The following INVS variants were observed in gnomAD, a reference collection of about 807,000 sequenced individuals.
INVS encodes inversion of embryo turning homolog.
Under a neutral mutation model 108.8 loss-of-function variants are expected in INVS, and 86 were observed. The ratio of observed to expected loss-of-function variants is 0.79; its 90% CI spans 0.66 to 0.95. The LOEUF (loss-of-function observed/expected upper bound fraction) is 0.95. Among genes scored for constraint, INVS ranks in the 40% least tolerant of loss-of-function variants. INVS has a pLI of 0.00. For synonymous variants in INVS, 455 were observed against 473.5 expected (o/e 0.96, Z 0.51); for missense variants, 1,169 against 1,297.4 (o/e 0.90, Z 1.52).
At chr9:100,253,553 A>G (rs1391995673) in intron 10 of INVS, among the ~76,000 whole-genome samples, 3 of 151,926 alleles carry the variant, frequency 2.0e-5, no homozygotes, top group Non-Finnish European at 2.9e-5. Context: ...TCCTAATGCT[A>G]TCCCTCCCTG....
At chr9:100,237,333 C>G (rs1204418114) in intron 5 of INVS, among the ~76,000 whole-genome samples, 1 of 152,236 alleles carries the variant, frequency 6.6e-6, no homozygotes, top group East Asian at 1.9e-4. Context: ...CCACTTGGCT[C>G]CCTGGCTTCA....
chr9:100,115,281 TTTTTA>T (rs1827475069), intron 2 of INVS, among the ~76,000 whole-genome samples: 2 of 148,802 alleles, frequency 1.3e-5, no homozygotes, highest in African/African-American at 5.1e-5. Context: ...AATTTCTCTT[TTTTTA>T]TTTTATTTTT....
At chr9:100,149,529 C>A (rs1010795556) in intron 3 of INVS, among the ~76,000 whole-genome samples, 6 of 152,124 alleles carry the variant, frequency 3.9e-5, no homozygotes, top group Non-Finnish European at 8.8e-5. Context: ...TGTGTTCTTC[C>A]ATATGTAGAA....
At chr9:100,244,820 G>T (rs995551124) in intron 7 of INVS, among the ~76,000 whole-genome samples, 4 of 152,098 alleles carry the variant, frequency 2.6e-5, no homozygotes, top group African/African-American at 9.7e-5. Context: ...TTGCAAATTA[G>T]TAAAAGAAAA....
intron 3 of INVS, among the ~76,000 whole-genome samples, chr9:100,188,796 G>A (rs757127167): frequency 3.3e-5 from 5 of 152,000 alleles, no homozygotes; most frequent in Non-Finnish European, 5.9e-5. Flanking sequence ...GGTAGAATTT[G>A]GCTGTGAATC....
intron 12 of INVS, among the ~76,000 whole-genome samples, chr9:100,281,010 G>A (rs572990172): frequency 1.3e-5 from 2 of 152,280 alleles, no homozygotes; most frequent in African/African-American, 2.4e-5. Context: ...AGGTGACAGA[G>A]TGAGACCCTG....
intron 8 of INVS, among the ~76,000 whole-genome samples, chr9:100,247,084 T>TA (rs76599950): frequency 2.1e-3 from 292 of 141,460 alleles, no homozygotes; most frequent in Middle Eastern, 7.1e-3. Context: ...TATCTTTTTG[T>TA]AAAAAAAAAA....
At chr9:100,107,103 T>C (rs1827204653) in intron 2 of INVS, among the ~76,000 whole-genome samples, 1 of 152,176 alleles carries the variant, frequency 6.6e-6, no homozygotes, top group Non-Finnish European at 1.5e-5. Context: ...AGTATACATA[T>C]AGAGAAGTGC....
chr9:100,240,250 T>A lies in INVS; in HGVS notation c.796+10T>A. The A allele has an allele frequency of 1.2e-6, 2 of 1,607,694 alleles. No homozygotes were observed. The highest frequency in any genetic ancestry group is 1.7e-6 in the Non-Finnish European group (2 of 1,174,220). ...TGGGCAGCTTTATTAGGTACGTGAC[T>A]CAAAGGATCAACAGTAAAAGGAACT... On this transcript the variant is annotated intron_variant, in intron 6 of 16. Coordinates refer to ENST00000262457, the MANE Select transcript of INVS (RefSeq NM_014425.5).
chr9:100,301,934 T>A lies in INVS; in HGVS notation c.*1260T>A. 3.2e-6 allele frequency: 1 copy of A among 308,944 alleles called. No individual in the cohort carries two copies. The highest frequency in any genetic ancestry group is 5.9e-6 in the Non-Finnish European group (1 of 169,962). The allele number at this position is 308,944 out of a possible 1,614,324, so 19.1% of individuals were successfully genotyped here. A position where few individuals can be genotyped will look rare whatever the true frequency, so the allele number is the denominator to read the frequency against. On this transcript the variant is annotated 3_prime_UTR_variant, in exon 17 of 17. Transcript: ENST00000262457. Reference sequence around the variant, plus strand: ...AAGGTACCACAGTATCACTCTCTATTTTGTAAATATTTAGCTCCTATGAAA... The same window carrying A: ...AAGGTACCACAGTATCACTCTCTATATTGTAAATATTTAGCTCCTATGAAA...
chr9:100,299,389 AAAGG>A (rs1833883633), intron 16 of INVS, among the ~76,000 whole-genome samples: 1 of 152,028 alleles, frequency 6.6e-6, no homozygotes, highest in Non-Finnish European at 1.5e-5. Flanking sequence ...TACCACTTAA[AAAGG>A]AAGAAGCAGA....
chr9:100,199,020 T>C (rs1471547328), intron 3 of INVS, among the ~76,000 whole-genome samples: 2 of 152,238 alleles, frequency 1.3e-5, no homozygotes, highest in East Asian at 3.8e-4. Context: ...TTGAATCCTA[T>C]TATGTGTCAC....
At chr9:100,129,961 G>GT (rs1828009322) in intron 3 of INVS, 1 of 408,686 alleles carries the variant, frequency 2.4e-6, no homozygotes. Flanking sequence ...TTCCTCACAA[G>GT]TTTTTAACAG....
intron 2 of INVS, among the ~76,000 whole-genome samples, chr9:100,122,730 C>T (rs994675073): frequency 1.5e-4 from 22 of 151,444 alleles, no homozygotes; most frequent in African/African-American, 3.9e-4. Context: ...ACTACAGGCA[C>T]CTGCCACCAC....
intron 3 of INVS, among the ~76,000 whole-genome samples, chr9:100,155,994 G>A (rs1175936669): frequency 6.6e-6 from 1 of 152,172 alleles, no homozygotes; most frequent in Non-Finnish European, 1.5e-5. Flanking sequence ...CCATCACCCA[G>A]ATTGTGTCTC....
chr9:100,171,771 C>T (rs1177584265), intron 3 of INVS, among the ~76,000 whole-genome samples: 2 of 152,100 alleles, frequency 1.3e-5, no homozygotes, highest in African/African-American at 4.8e-5. Context: ...GTACATTTTA[C>T]CTTCTTTATG....
At chr9:100,114,352 T>G (rs2118851849) in intron 2 of INVS, among the ~76,000 whole-genome samples, 1 of 151,740 alleles carries the variant, frequency 6.6e-6, no homozygotes, top group African/African-American at 2.4e-5. Flanking sequence ...TATGCCAATG[T>G]GTCACATGAT....
At chr9:100,146,689 AAGAC>A (rs775148905) in intron 3 of INVS, among the ~76,000 whole-genome samples, 23 of 152,350 alleles carry the variant, frequency 1.5e-4, no homozygotes, top group Non-Finnish European at 2.4e-4. Context: ...TAGAGTTTAA[AAGAC>A]AGTTTGTTAG....
chr9:100,167,289 C>G (rs1047042283), intron 3 of INVS, among the ~76,000 whole-genome samples: 1 of 152,052 alleles, frequency 6.6e-6, no homozygotes, highest in Non-Finnish European at 1.5e-5. Context: ...ATCTATCAAG[C>G]CTTTTATTTC....
Sources: allele counts gnomAD v4.1 joint callset (sites outside exome capture counted in the v4.1 genomes callset), GRCh38; gene constraint gnomAD v4.1.1; transcripts MANE v1.5; gene names NCBI Gene and HGNC (gene_info 2026-07-23, HGNC 2026-07-21).